Variants in TOX observed in about 807,000 individuals in gnomAD.
The protein encoded by TOX is thymocyte selection-associated high mobility group box protein TOX.
In TOX, 11 loss-of-function variants were observed where a neutral mutation model predicts 53.7. That is an observed-to-expected ratio of 0.20 (90% CI 0.13 to 0.34). TOX has a LOEUF of 0.34. TOX is among the 10% of genes least tolerant of loss of function. The pLI is 1.00. For synonymous variants in TOX, 225 were observed against 245.3 expected (o/e 0.92, Z 0.77); for missense variants, 570 against 664.6 (o/e 0.86, Z 1.56).
At chr8:58,893,988 A>G (rs1349113) in intron 3 of TOX, among the ~76,000 whole-genome samples, 98,933 of 152,060 alleles carry the variant, frequency 0.65, 32,783 homozygotes, top group African/African-American at 0.78. Context: ...TTAAAAATAA[A>G]GATCACTTTT....
intron 1 of TOX, among the ~76,000 whole-genome samples, chr8:59,017,023 T>C (rs1384133174): frequency 6.6e-6 from 1 of 152,244 alleles, no homozygotes; most frequent in East Asian, 1.9e-4. Flanking sequence ...TCACTGTTTA[T>C]AGCCATGAAC....
At chr8:59,010,630 C>A (rs559533530) in intron 1 of TOX, among the ~76,000 whole-genome samples, 1 of 152,306 alleles carries the variant, frequency 6.6e-6, no homozygotes, top group South Asian at 2.1e-4. Flanking sequence ...GGGTCTCAGT[C>A]TTTACATCCC....
chr8:58,843,631 G>A (rs1810679630), intron 4 of TOX, among the ~76,000 whole-genome samples: 1 of 152,192 alleles, frequency 6.6e-6, no homozygotes, highest in Non-Finnish European at 1.5e-5. Flanking sequence ...GATCTCTCAT[G>A]TACCCAAGTA....
chr8:59,087,122 T>C (rs1221116409), intron 1 of TOX, among the ~76,000 whole-genome samples: 4 of 152,130 alleles, frequency 2.6e-5, no homozygotes, highest in East Asian at 1.9e-4. Context: ...GCTTTGAAAA[T>C]GAAATATATA....
intron 5 of TOX, among the ~76,000 whole-genome samples, chr8:58,833,152 T>A (rs1302144572): frequency 1.3e-5 from 2 of 152,232 alleles, no homozygotes; most frequent in African/African-American, 4.8e-5. Context: ...TGGCTGCAGC[T>A]TTAAAGCCAT....
chr8:58,995,550 G>C (rs1369680203), intron 1 of TOX, among the ~76,000 whole-genome samples: 1 of 152,140 alleles, frequency 6.6e-6, no homozygotes, highest in Non-Finnish European at 1.5e-5. Context: ...GAGCACACAG[G>C]CACTGTTTAT....
At chr8:58,846,032 T>C (rs956684208) in intron 4 of TOX, among the ~76,000 whole-genome samples, 3 of 152,062 alleles carry the variant, frequency 2.0e-5, no homozygotes, top group Non-Finnish European at 4.4e-5. Context: ...CTATGTTAAG[T>C]CTCATTCTGT....
chr8:59,021,108 CAAA>C (rs35493437), intron 1 of TOX, among the ~76,000 whole-genome samples: 14 of 92,012 alleles, frequency 1.5e-4, no homozygotes, highest in Admixed American at 1.3e-3. Context: ...GACCCTGTCT[CAAA>C]AAAAAAAAAA....
chr8:59,050,681 C>T (rs1278310536), intron 1 of TOX, among the ~76,000 whole-genome samples: 1 of 152,108 alleles, frequency 6.6e-6, no homozygotes, highest in African/African-American at 2.4e-5. Flanking sequence ...TCAAGAGAAG[C>T]TCAAGATGAC....
In TOX at chr8:58,939,367, G is replaced by A; in HGVS notation, c.346C>T (p.Pro116Ser). The A allele has an allele frequency of 6.2e-7, 1 of 1,614,094 alleles. No homozygotes were observed. Among genetic ancestry groups the A allele is most frequent in the South Asian group, 1.1e-5 (1 of 91,080 alleles). The change falls in exon 3 of 9, where the codon CCT becomes TCT. Residue 116 changes from proline (P) to serine (S), a missense_variant. Physicochemically the swap from Pro to Ser is moderately conservative, Grantham distance 74. This residue lies in a region of TOX where 282 missense variants were observed against 315.0 expected (regional missense o/e 0.90). Transcript: ENST00000361421. The part of the protein sequence containing the change: ...LPFHPQNMDL[P>S]EITVSNMLGQ... Reference sequence around the variant, plus strand: ...AGCATATTGGAGACTGTGATTTCAGGGAGGTCCATGTTTTGTGGATGAAAT... The same window carrying A: ...AGCATATTGGAGACTGTGATTTCAGAGAGGTCCATGTTTTGTGGATGAAAT...
At chr8:58,828,451 T>C (rs1449827538) in intron 5 of TOX, among the ~76,000 whole-genome samples, 1 of 151,828 alleles carries the variant, frequency 6.6e-6, no homozygotes, top group Non-Finnish European at 1.5e-5. Flanking sequence ...ATCCTAAGTA[T>C]GAAACTAAAG....
intron 3 of TOX, among the ~76,000 whole-genome samples, chr8:58,915,801 T>C (rs1038098552): frequency 6.7e-6 from 1 of 150,346 alleles, no homozygotes; most frequent in Non-Finnish European, 1.5e-5. Flanking sequence ...TTGGAAACTT[T>C]GAAAAAAATT....
intron 1 of TOX, among the ~76,000 whole-genome samples, chr8:58,979,435 T>C (rs1230756887): frequency 1.3e-5 from 2 of 152,228 alleles, no homozygotes; most frequent in Non-Finnish European, 2.9e-5. Flanking sequence ...CCTTACCAGA[T>C]ATTTCAAACC....
intron 1 of TOX, among the ~76,000 whole-genome samples, chr8:58,991,553 C>T (rs1585947215): frequency 6.6e-6 from 1 of 152,288 alleles, no homozygotes; most frequent in Non-Finnish European, 1.5e-5. Flanking sequence ...AAAAGCCTGT[C>T]TTCTCCTTTA....
intron 3 of TOX, among the ~76,000 whole-genome samples, chr8:58,876,651 C>G (rs1811291149): frequency 6.6e-6 from 1 of 152,142 alleles, no homozygotes; most frequent in Admixed American, 6.5e-5. Context: ...TGAAAAGATA[C>G]AGATGCCCAG....
intron 1 of TOX, among the ~76,000 whole-genome samples, chr8:59,079,090 G>C (rs1804349660): frequency 6.6e-6 from 1 of 152,182 alleles, no homozygotes. Flanking sequence ...AAGTAACTTG[G>C]CTGCTTCTAA....
At chr8:58,973,688 T>C (rs1349706099) in intron 1 of TOX, among the ~76,000 whole-genome samples, 2 of 152,240 alleles carry the variant, frequency 1.3e-5, no homozygotes, top group Non-Finnish European at 2.9e-5. Context: ...TTCAAAGTTT[T>C]GTTTTGGTTT....
intron 3 of TOX, among the ~76,000 whole-genome samples, chr8:58,891,298 T>C (rs1013781946): frequency 6.6e-6 from 1 of 152,110 alleles, no homozygotes; most frequent in African/African-American, 2.4e-5. Flanking sequence ...AGTACACATT[T>C]AGACATGCTA....
chr8:58,874,203 C>T (rs931393529), intron 3 of TOX, among the ~76,000 whole-genome samples: 5 of 151,640 alleles, frequency 3.3e-5, no homozygotes, highest in African/African-American at 1.2e-4. Context: ...TTTTTACTCT[C>T]TCTGCCCCCT....
Sources: allele counts gnomAD v4.1 joint callset (sites outside exome capture counted in the v4.1 genomes callset), GRCh38; gene constraint gnomAD v4.1.1; regional missense constraint gnomAD v4.1.1; transcripts MANE v1.5; gene names NCBI Gene and HGNC (gene_info 2026-07-23, HGNC 2026-07-21).